The following DOK1 variants were observed in gnomAD, a reference collection of about 807,000 sequenced individuals.
DOK1 encodes the protein docking protein 1, also known as Downstream of tyrosine kinase 1.
Under a neutral mutation model 24.0 loss-of-function variants are expected in DOK1, and 12 were observed. The observed-to-expected ratio is 0.50, with a 90% confidence interval of 0.32 to 0.81. The LOEUF is 0.81. Ranked by LOEUF, DOK1 falls within the 30% of genes least tolerant of loss-of-function variation. DOK1 has a pLI of 0.03. For missense variants in DOK1, 591 were observed against 620.7 expected, an observed-to-expected ratio of 0.95 and a Z score of 0.51; for synonymous variants, 250 against 260.9, an observed-to-expected ratio of 0.96 and a Z score of 0.40.
chr2:74,549,681 C>G lies in DOK1; in HGVS notation c.-358+509C>G. 6.8e-7 allele frequency: 1 copy of G among 1,463,884 alleles called. No individual in the cohort carries two copies. The highest frequency in any genetic ancestry group is 1.4e-5 in the South Asian group (1 of 70,124). The allele number at this position is 1,463,884 out of a possible 1,614,324, so 90.7% of individuals were successfully genotyped here. On this transcript the variant is annotated intron_variant, in intron 1 of 4. Coordinates refer to the DOK1 transcript ENST00000409429. This position sits in a 1 kb window ranked among gnomAD's most constrained non-coding sequence, Gnocchi z 5.3. ...CCTGCTTGGTGTGCCTGCTGTAAAC[C>G]CAGTGGCGGGATGGGCCCGAGGCGG...
At chr2:74,550,577 C>T (rs146377185), upstream of DOK1, among the ~76,000 whole-genome samples, 1,492 of 152,204 alleles carry the variant, frequency 9.8e-3, 28 homozygotes, top group African/African-American at 0.034. Flanking sequence ...GAACCTGATA[C>T]GGTGAATAAA....
At chr2:74,552,997 G>A, upstream of DOK1, 1 of 243,854 alleles carries the variant, frequency 4.1e-6, no homozygotes, top group Non-Finnish European at 7.9e-6. Context: ...AAGGGAGACT[G>A]TGGGAATGAG....
At position 74,557,161 on chromosome 2, in the gene DOK1, G is replaced by T. The variant is rs1476427644; in HGVS notation, c.*47G>T. ...GGCTAAGGGGGACCATGGGGAGGTGGCACTAGGGATCAAAGAAGATGGTTA... is the reference window on the plus strand; with the variant it reads ...GGCTAAGGGGGACCATGGGGAGGTGTCACTAGGGATCAAAGAAGATGGTTA... On this transcript the variant is annotated 3_prime_UTR_variant, in exon 5 of 5. Coordinates refer to ENST00000233668, the MANE Select transcript of DOK1 (RefSeq NM_001381.5). 2 of 1,551,778 alleles carry T rather than the reference G, an allele frequency of 1.3e-6. No individual in the cohort carries two copies. Among genetic ancestry groups the T allele is most frequent in the African/African-American group, 1.4e-5 (1 of 72,980 alleles).
rs761471525 is a variant in DOK1 at position 74,549,554 on chromosome 2, C to G, written c.-358+382C>G. 2.5e-6 allele frequency: 4 copies of G among 1,611,060 alleles called. No homozygotes were observed. Among genetic ancestry groups the G allele is most frequent in the Non-Finnish European group, 3.4e-6 (4 of 1,177,910 alleles). On this transcript the variant is annotated intron_variant, in intron 1 of 4. Transcript: ENST00000409429. This position sits in a 1 kb window ranked among gnomAD's most constrained non-coding sequence, Gnocchi z 5.3. ...CCCACCCAACGGCGGGTCGAATTCG[C>G]ACCTCCTCCACTTGCAGGTGATGCT...
chr2:74,550,174 G>A (rs541494283), upstream of DOK1: 16 of 1,611,044 alleles, frequency 9.9e-6, no homozygotes, highest in South Asian at 1.8e-4. Context: ...GTATGTCTAG[G>A]AAATGCAGAC....
At chr2:74,550,142 C>T (rs1207381048), upstream of DOK1, 1 of 1,581,758 alleles carries the variant, frequency 6.3e-7, no homozygotes, top group Non-Finnish European at 8.6e-7. Flanking sequence ...GTACTCTCGG[C>T]TATCCTGGGT....
Position 74,556,233 on chromosome 2 carries a change from C to T in DOK1, c.640-75C>T, listed in dbSNP as rs1057051193. 3 of 1,559,210 alleles carry T rather than the reference C, an allele frequency of 1.9e-6. No homozygotes were observed. The highest frequency in any genetic ancestry group is 1.7e-6 in the Non-Finnish European group (2 of 1,150,750). On this transcript the variant is annotated intron_variant, in intron 4 of 4. Coordinates refer to ENST00000233668, the MANE Select transcript of DOK1 (RefSeq NM_001381.5). The surrounding 1 kb of genome is among the most constrained non-coding windows in gnomAD (Gnocchi z 4.1). ...CAGGTGGTCTCTTCTTTGTAGATAC[C>T]CTAACTAGTGCAGGCGTGTGACTCA...
In DOK1 at chr2:74,557,190, CCAG is replaced by C; in HGVS notation, c.*80_*82del. 7.0e-7 allele frequency: 1 copy of C among 1,438,532 alleles called. No homozygotes were observed. The highest frequency in any genetic ancestry group is 1.4e-5 in the African/African-American group (1 of 70,378). 89.1% of individuals were successfully genotyped at this position (1,438,532 alleles called of 1,614,324 possible). A position where few individuals can be genotyped will look rare whatever the true frequency, so the allele number is the denominator to read the frequency against. On this transcript the variant is annotated 3_prime_UTR_variant, in exon 5 of 5. Coordinates refer to ENST00000233668, the MANE Select transcript of DOK1 (RefSeq NM_001381.5). ...TAGGGATCAAAGAAGATGGTTAGAA[CCAG>C]CAGAAGCCAGAGGGTGGGAGGGGCC...
At position 74,555,674 on chromosome 2, in the gene DOK1, C is replaced by T. The variant is rs775628052; in HGVS notation, c.454+6C>T. 2 of 1,613,734 alleles carry T rather than the reference C, an allele frequency of 1.2e-6. No homozygotes were observed. The highest frequency in any genetic ancestry group is 2.2e-5 in the East Asian group (1 of 44,878). On this transcript the variant is annotated splice_donor_region_variant and intron_variant, in intron 3 of 4. Coordinates refer to ENST00000233668, the MANE Select transcript of DOK1 (RefSeq NM_001381.5). The surrounding 1 kb of genome is among the most constrained non-coding windows in gnomAD (Gnocchi z 6.1). The stretch of plus-strand genomic sequence containing the variant: ...GTACAGCCCTACCTGGGAAGGTAGA[C>T]GCCTCAGAAGCCCGGGCAGGGATGG...
chr2:74,553,717 C>T (rs1358623405), upstream of DOK1, among the ~76,000 whole-genome samples: 1 of 152,190 alleles, frequency 6.6e-6, no homozygotes, highest in African/African-American at 2.4e-5. Flanking sequence ...GTATGTGCCT[C>T]CTCCGTGTAC....
Position 74,555,309 on chromosome 2 carries a change from T to C in DOK1, c.216T>C (p.Ser72=). The change falls in exon 2 of 5, where the codon AGT becomes AGC. Residue 72 remains serine, a synonymous_variant. Coordinates refer to ENST00000233668, the MANE Select transcript of DOK1 (RefSeq NM_001381.5). This position sits in a 1 kb window ranked among gnomAD's most constrained non-coding sequence, Gnocchi z 6.1. ...TGATCCGTCTGGCTGAGTGTGTGAG[T>C]GTGGCCCCCGTCACCGTGGAGACCC... The part of the protein sequence containing the change: ...CKVIRLAECV[S]VAPVTVETPP... The C allele has an allele frequency of 6.2e-7, 1 of 1,614,006 alleles. No homozygotes were observed. The highest frequency in any genetic ancestry group is 8.5e-7 in the Non-Finnish European group (1 of 1,179,988).
Position 74,556,635 on chromosome 2 carries a change from T to A in DOK1, c.967T>A (p.Ser323Thr). The stretch of plus-strand genomic sequence containing the variant: ...ATACTCAGACCCCTTGGACAGCACG[T>A]CTGCTCAGGCAGGAGAGGGAGTACA... ...SLYSDPLDSTSAQAGEGVQRK... is the reference protein window; with the variant it reads ...SLYSDPLDSTTAQAGEGVQRK... The change falls in exon 5 of 5, where the codon TCT (serine) becomes ACT (threonine). Residue 323 changes from serine to threonine, a missense_variant. Transcript: ENST00000233668. The surrounding 1 kb of genome is among the most constrained non-coding windows in gnomAD (Gnocchi z 4.1). 1 of 1,614,228 alleles carries A rather than the reference T, an allele frequency of 6.2e-7. No individual in the cohort carries two copies. The highest frequency in any genetic ancestry group is 8.5e-7 in the Non-Finnish European group (1 of 1,180,042).
At position 74,556,680 on chromosome 2, in the gene DOK1, T is replaced by G; in HGVS notation, c.1012T>G (p.Trp338Gly). The G allele has an allele frequency of 6.2e-7, 1 of 1,614,212 alleles. No homozygotes were observed. Among genetic ancestry groups the G allele is most frequent in the Non-Finnish European group, 8.5e-7 (1 of 1,180,048 alleles). Residue 338 changes from tryptophan (W) to glycine (G), a missense_variant, in exon 5 of 5, where the codon TGG becomes GGG. Transcript: ENST00000233668. This position sits in a 1 kb window ranked among gnomAD's most constrained non-coding sequence, Gnocchi z 4.1. The stretch of plus-strand genomic sequence containing the variant: ...AGTACAACGGAAGAAACCTCTCTAT[T>G]GGGACTTGTATGAGCATGCGCAGCA... ...EGVQRKKPLY[W>G]DLYEHAQQQL...
Position 74,555,771 on chromosome 2 carries a change from G to A in DOK1, c.454+103G>A. ...CCAGGGGCCCATGGGGAAGTAAGAAGTAGGAAGGCCCTGAGATCTGGCTTC... is the reference window on the plus strand; with the variant it reads ...CCAGGGGCCCATGGGGAAGTAAGAAATAGGAAGGCCCTGAGATCTGGCTTC... On this transcript the variant is annotated intron_variant, in intron 3 of 4. Transcript: ENST00000233668. The surrounding 1 kb of genome is among the most constrained non-coding windows in gnomAD (Gnocchi z 6.1). The A allele has an allele frequency of 6.3e-7, 1 of 1,592,016 alleles. No individual in the cohort carries two copies. Among genetic ancestry groups the A allele is most frequent in the Non-Finnish European group, 8.6e-7 (1 of 1,169,392 alleles).
At chr2:74,552,679 G>A (rs1390229388), upstream of DOK1, 2 of 1,468,044 alleles carry the variant, frequency 1.4e-6, no homozygotes, top group African/African-American at 1.4e-5. Context: ...GTGCGTGAGA[G>A]AAACAGATTG....
At chr2:74,551,729 G>T (rs1215262089), upstream of DOK1, among the ~76,000 whole-genome samples, 1 of 152,250 alleles carries the variant, frequency 6.6e-6, no homozygotes, top group Non-Finnish European at 1.5e-5. Flanking sequence ...TCAGCTGCAG[G>T]TTGCACCTGC....
Position 74,556,574 on chromosome 2 carries a change from C to T in DOK1, c.906C>T (p.Ser302=), listed in dbSNP as rs766790265. 3.7e-6 allele frequency: 6 copies of T among 1,614,234 alleles called. No individual in the cohort carries two copies. The South Asian group carries it at 6.6e-5, about 18-fold the overall frequency. The change falls in exon 5 of 5, where the codon TCC becomes TCT. Residue 302 remains serine, a synonymous_variant. Transcript: ENST00000233668. The surrounding 1 kb of genome is among the most constrained non-coding windows in gnomAD (Gnocchi z 4.1). Reference sequence around the variant, plus strand: ...CCCTGTATGCTGAGCCCTTAGACTCCCTGCGCATTGCTCCATGCCCTTCCC... The same window carrying T: ...CCCTGTATGCTGAGCCCTTAGACTCTCTGCGCATTGCTCCATGCCCTTCCC... ...PPALYAEPLD[S]LRIAPCPSQD... is the part of the protein sequence containing the mutation.
rs1324946207 is a variant in DOK1 at position 74,556,641 on chromosome 2, C to G, written c.973C>G (p.Gln325Glu). The G allele has an allele frequency of 6.2e-7, 1 of 1,614,130 alleles. No individual in the cohort carries two copies. The highest frequency in any genetic ancestry group is 1.3e-5 in the African/African-American group (1 of 74,946). Reference sequence around the variant, plus strand: ...AGACCCCTTGGACAGCACGTCTGCTCAGGCAGGAGAGGGAGTACAACGGAA... The same window carrying G: ...AGACCCCTTGGACAGCACGTCTGCTGAGGCAGGAGAGGGAGTACAACGGAA... ...YSDPLDSTSA[Q>E]AGEGVQRKKP... The change falls in exon 5 of 5, where the codon CAG becomes GAG. Residue 325 changes from glutamine to glutamate, a missense_variant. Coordinates refer to ENST00000233668, the MANE Select transcript of DOK1 (RefSeq NM_001381.5). This position sits in a 1 kb window ranked among gnomAD's most constrained non-coding sequence, Gnocchi z 4.1.
At chr2:74,550,257 C>G (rs141075927), upstream of DOK1, 4 of 1,614,196 alleles carry the variant, frequency 2.5e-6, no homozygotes, top group Non-Finnish European at 1.7e-6. Flanking sequence ...CCTCATCGTG[C>G]GTACAGTCAC....
Sources: gnomAD v4.1 joint callset for allele counts (sites outside exome capture counted in the v4.1 genomes callset) on GRCh38, gnomAD v4.1.1 for gene constraint, Gnocchi (gnomAD v3.1) non-coding constraint, MANE v1.5 for transcripts, NCBI Gene and HGNC (gene_info 2026-07-23, HGNC 2026-07-21) for gene names.